The following PTPRR variants were observed in gnomAD, a reference collection of about 807,000 sequenced individuals.
The protein encoded by PTPRR is protein tyrosine phosphatase receptor type R.
In PTPRR, 38 loss-of-function variants were observed where a neutral mutation model predicts 77.2. The ratio of observed to expected loss-of-function variants is 0.49; its 90% CI spans 0.38 to 0.65. The LOEUF is 0.65. PTPRR is among the 30% of genes least tolerant of loss of function. The pLI is 0.00. For synonymous variants in PTPRR, 299 were observed against 283.1 expected (o/e 1.06, Z -0.57); for missense variants, 744 against 799.2 (o/e 0.93, Z 0.83).
rs550466584 is a variant in PTPRR at position 70,807,851 on chromosome 12, G to A, written c.358-43073C>T. On this transcript the variant is annotated intron_variant, in intron 2 of 13. Coordinates refer to ENST00000283228, the MANE Select transcript of PTPRR (RefSeq NM_002849.4). ...CACCTCAGGACTCTGTGATGATTGCGTTAACTGCACAAATTGTTTAAACAA... is the reference window on the plus strand; with the variant it reads ...CACCTCAGGACTCTGTGATGATTGCATTAACTGCACAAATTGTTTAAACAA... Among the ~76,000 whole-genome samples the A allele has an allele frequency of 1.1e-4, 16 of 152,202 alleles. No homozygotes were observed. In the East Asian group the frequency reaches 2.5e-3, roughly 24 times the overall value.
intron 2 of PTPRR, among the ~76,000 whole-genome samples, chr12:70,765,325 A>G (rs1890791313): frequency 6.6e-6 from 1 of 152,122 alleles, no homozygotes; most frequent in African/African-American, 2.4e-5. Flanking sequence ...CGCTTTTCCG[A>G]CGGGCTTAAA....
At chr12:70,641,237 C>T (rs1197832484) in intron 13 of PTPRR, among the ~76,000 whole-genome samples, 1 of 152,196 alleles carries the variant, frequency 6.6e-6, no homozygotes, top group East Asian at 1.9e-4. Context: ...CAGCTCAGGG[C>T]ACCATTACTC....
At chr12:70,641,228 A>G (rs149646696) in intron 13 of PTPRR, among the ~76,000 whole-genome samples, 140 of 152,310 alleles carry the variant, frequency 9.2e-4, no homozygotes, top group African/African-American at 3.3e-3. Context: ...GCATTTGCAC[A>G]GCTCAGGGCA....
intron 8 of PTPRR, among the ~76,000 whole-genome samples, chr12:70,692,782 G>A (rs1888098585): frequency 6.6e-6 from 1 of 152,078 alleles, no homozygotes; most frequent in Admixed American, 6.6e-5. Context: ...GCAGAATTAG[G>A]CATTCTCTTC....
intron 2 of PTPRR, among the ~76,000 whole-genome samples, chr12:70,844,673 T>C (rs562187402): frequency 7.2e-5 from 11 of 152,308 alleles, no homozygotes; most frequent in African/African-American, 2.6e-4. Context: ...ATATACTATA[T>C]TTGGACTTGA....
intron 2 of PTPRR, among the ~76,000 whole-genome samples, chr12:70,791,744 A>C (rs1199496106): frequency 1.3e-5 from 2 of 152,220 alleles, no homozygotes; most frequent in Non-Finnish European, 2.9e-5. Context: ...AATATGTTAA[A>C]GTCTATAAGA....
At chr12:70,908,978 C>G (rs1893662996) in intron 1 of PTPRR, among the ~76,000 whole-genome samples, 1 of 152,156 alleles carries the variant, frequency 6.6e-6, no homozygotes, top group Non-Finnish European at 1.5e-5. Context: ...GCAGCAACTA[C>G]CCAGTTTAGC....
intron 2 of PTPRR, among the ~76,000 whole-genome samples, chr12:70,860,929 T>C (rs2137078631): frequency 6.6e-6 from 1 of 152,272 alleles, no homozygotes; most frequent in Middle Eastern, 3.4e-3. Flanking sequence ...GTTTTATTTT[T>C]ATTTTTGCCA....
At chr12:70,735,972 A>G (rs1209916025) in intron 6 of PTPRR, among the ~76,000 whole-genome samples, 1 of 152,178 alleles carries the variant, frequency 6.6e-6, no homozygotes, top group Non-Finnish European at 1.5e-5. Context: ...TCCACTGACA[A>G]TCACACACAC....
intron 2 of PTPRR, among the ~76,000 whole-genome samples, chr12:70,811,824 G>GACATAAGGCCCAATTCT (rs1301492227): frequency 6.6e-6 from 1 of 152,160 alleles, no homozygotes; most frequent in Non-Finnish European, 1.5e-5. Context: ...CTAAGCAGTG[G>GACATAAGGCCCAATTCT]ACATAAGGCC....
intron 2 of PTPRR, among the ~76,000 whole-genome samples, chr12:70,848,345 T>C (rs1175950662): frequency 1.3e-5 from 2 of 152,226 alleles, no homozygotes; most frequent in Admixed American, 6.5e-5. Context: ...GGTTGTTTTT[T>C]TGAGATGGAG....
chr12:70,638,418 C>T lies in PTPRR; in HGVS notation c.*766G>A, dbSNP rs185619704. ...AGAGTTGCTACAAATTTGTTTTTCC[C>T]TTTTAAAGTAAAATGACTCACGATG... On this transcript the variant is annotated 3_prime_UTR_variant, in exon 14 of 14. Transcript: ENST00000283228. The T allele has an allele frequency of 5.9e-5, 9 of 152,622 alleles. No individual in the cohort carries two copies. The highest frequency in any genetic ancestry group is 5.2e-4 in the Admixed American group (8 of 15,284). The allele number at this position is 152,622 out of a possible 1,614,324, so 9.5% of individuals were successfully genotyped here.
chr12:70,745,307 C>T (rs959620935), intron 6 of PTPRR, among the ~76,000 whole-genome samples: 7 of 152,164 alleles, frequency 4.6e-5, no homozygotes, highest in African/African-American at 9.7e-5. Context: ...GGATTATAGG[C>T]GTGAGCCACT....
chr12:70,794,459 A>C (rs1592761425), intron 2 of PTPRR, among the ~76,000 whole-genome samples: 1 of 152,186 alleles, frequency 6.6e-6, no homozygotes, highest in African/African-American at 2.4e-5. Context: ...ACTGGAGTGA[A>C]ATGGAGGGGA....
intron 2 of PTPRR, among the ~76,000 whole-genome samples, chr12:70,818,069 G>A (rs988680503): frequency 9.2e-5 from 14 of 151,758 alleles, no homozygotes; most frequent in Admixed American, 7.2e-4. Flanking sequence ...AAAATTAGCC[G>A]GATGTGGTGG....
At chr12:70,643,468 C>A (rs78395318) in intron 13 of PTPRR, among the ~76,000 whole-genome samples, 1 of 152,022 alleles carries the variant, frequency 6.6e-6, no homozygotes, top group Non-Finnish European at 1.5e-5. Flanking sequence ...AGCCACCATG[C>A]CTGGCAAATG....
At chr12:70,887,698 G>A (rs1440325042) in intron 2 of PTPRR, among the ~76,000 whole-genome samples, 1 of 152,112 alleles carries the variant, frequency 6.6e-6, no homozygotes, top group Non-Finnish European at 1.5e-5. Flanking sequence ...GGCAGGAATA[G>A]GCTCACTGTC....
intron 1 of PTPRR, among the ~76,000 whole-genome samples, chr12:70,919,118 C>T (rs1321001024): frequency 6.6e-6 from 1 of 152,112 alleles, no homozygotes; most frequent in Non-Finnish European, 1.5e-5. Context: ...TAAGAAAGTA[C>T]CATATTTCAC....
At chr12:70,762,611 T>C (rs1177594211) in intron 3 of PTPRR, among the ~76,000 whole-genome samples, 1 of 152,244 alleles carries the variant, frequency 6.6e-6, no homozygotes, top group Middle Eastern at 3.2e-3. Flanking sequence ...TAACAACTAC[T>C]GTAGGTACAG....
Sources: gnomAD v4.1 joint callset for allele counts (sites outside exome capture counted in the v4.1 genomes callset) on GRCh38, gnomAD v4.1.1 for gene constraint, MANE v1.5 for transcripts, NCBI Gene and HGNC (gene_info 2026-07-23, HGNC 2026-07-21) for gene names.